The following DCAF16 variants were observed in gnomAD, a reference collection of about 807,000 sequenced individuals.
DCAF16 encodes DDB1 and CUL4 associated factor 16, also known as DDB1- and CUL4-associated factor 16.
A neutral mutation model predicts 17.3 loss-of-function variants in DCAF16; 10 were observed. That is an observed-to-expected ratio of 0.58 (90% CI 0.36 to 0.98). The LOEUF (loss-of-function observed/expected upper bound fraction) is 0.98. DCAF16 is among the 50% of genes least tolerant of loss of function. The pLI is 0.01. For missense variants in DCAF16, 249 were observed against 247.6 expected (o/e 1.01, Z -0.04); for synonymous variants, 111 against 92.8 (o/e 1.20, Z -1.12).
chr4:17,803,175 C>T lies in DCAF16; in HGVS notation c.*316G>A, dbSNP rs1217693364. 4 of 300,804 alleles carry T rather than the reference C, an allele frequency of 1.3e-5. No homozygotes were observed. Among genetic ancestry groups the T allele is most frequent in the African/African-American group, 2.2e-5 (1 of 45,902 alleles). 18.6% of individuals were successfully genotyped at this position (300,804 alleles called of 1,614,324 possible). ...GAGTAGCAGGGATTACAGGCGTGCA[C>T]TGCTGCGCCCGGCTAATTTTTTTAT... On this transcript the variant is annotated 3_prime_UTR_variant, in exon 3 of 3. Transcript: ENST00000382247.
At chr4:17,796,671 C>T (rs979486960), downstream of DCAF16, among the ~76,000 whole-genome samples, 27 of 152,196 alleles carry the variant, frequency 1.8e-4, no homozygotes, top group Middle Eastern at 3.2e-3. Flanking sequence ...CGCACCACTG[C>T]GTTCCAGCCT....
At chr4:17,808,992 G>A (rs1720588061) in intron 1 of DCAF16, among the ~76,000 whole-genome samples, 2 of 152,172 alleles carry the variant, frequency 1.3e-5, no homozygotes, top group African/African-American at 4.8e-5. Context: ...TCGCGCCATT[G>A]CACTCCAGCC....
intron 1 of DCAF16, among the ~76,000 whole-genome samples, chr4:17,806,817 C>T (rs186076472): frequency 3.0e-3 from 453 of 152,116 alleles, no homozygotes; most frequent in Non-Finnish European, 4.1e-3. Context: ...GTAGGATTAG[C>T]ATAAGAACAG....
downstream of DCAF16, among the ~76,000 whole-genome samples, chr4:17,800,416 C>A (rs1025595967): frequency 6.6e-6 from 1 of 152,110 alleles, no homozygotes; most frequent in Non-Finnish European, 1.5e-5. Flanking sequence ...TTTTGTGCAA[C>A]CTGGAATTAC....
At chr4:17,799,258 T>C (rs1363109680), downstream of DCAF16, among the ~76,000 whole-genome samples, 2 of 152,212 alleles carry the variant, frequency 1.3e-5, no homozygotes, top group African/African-American at 4.8e-5. Flanking sequence ...AATTCTTTTA[T>C]ATGATTCTCC....
At chr4:17,794,543 G>C in the DCAF16 span, among the ~76,000 whole-genome samples, 1 of 152,074 alleles carries the variant, frequency 6.6e-6, no homozygotes, top group Non-Finnish European at 1.5e-5. Flanking sequence ...TAAACAAAAA[G>C]CTTGCTGAAA....
At position 17,803,823 on chromosome 4, in the gene DCAF16, G is replaced by C. The variant is rs757130701; in HGVS notation, c.319C>G (p.Leu107Val). The C allele has an allele frequency of 6.2e-7, 1 of 1,614,236 alleles. No individual in the cohort carries two copies. The highest frequency in any genetic ancestry group is 1.1e-5 in the South Asian group (1 of 91,082). The change falls in exon 3 of 3, where the codon CTG becomes GTG. Residue 107 changes from leucine (L) to valine (V), a missense_variant. By Grantham distance (32) the Leu-to-Val change is conservative. Transcript: ENST00000382247. ...GGGGGCCATTCAGGAATTGGTTCCA[G>C]TTTGGGGACACAATGGGAACAATGG... ...LSHCSHCVPK[L>V]EPIPEWPPLA...
At chr4:17,800,079 G>C (rs111751803), downstream of DCAF16, among the ~76,000 whole-genome samples, 5,613 of 151,268 alleles carry the variant, frequency 0.037, 111 homozygotes, top group East Asian at 0.13. Context: ...GGGAGGTGGA[G>C]GTTGCAGTGA....
chr4:17,804,933 A>T (rs1720175562), intron 2 of DCAF16, among the ~76,000 whole-genome samples, 162 bp from the exon 3 acceptor site: 1 of 152,180 alleles, frequency 6.6e-6, no homozygotes, highest in African/African-American at 2.4e-5. Context: ...AATAGCTCTT[A>T]CAATCACAAT....
chr4:17,796,782 T>TA (rs1431253863), downstream of DCAF16, among the ~76,000 whole-genome samples: 16 of 152,280 alleles, frequency 1.1e-4, no homozygotes, highest in African/African-American at 3.4e-4. Flanking sequence ...GCAAATATTG[T>TA]AATGGTTATG....
downstream of DCAF16, among the ~76,000 whole-genome samples, chr4:17,796,219 C>T (rs1719421206): frequency 6.6e-6 from 1 of 152,192 alleles, no homozygotes; most frequent in Non-Finnish European, 1.5e-5. Flanking sequence ...CTCCCACCTT[C>T]CAGGGTACCT....
downstream of DCAF16, among the ~76,000 whole-genome samples, chr4:17,798,206 T>A (rs980153879): frequency 6.6e-6 from 1 of 152,154 alleles, no homozygotes; most frequent in Non-Finnish European, 1.5e-5. Flanking sequence ...TCCAGTCAAC[T>A]TCGTTTTATG....
intron 1 of DCAF16, among the ~76,000 whole-genome samples, chr4:17,807,872 T>C (rs904043638): frequency 6.6e-5 from 10 of 152,186 alleles, no homozygotes; most frequent in Non-Finnish European, 1.3e-4. Context: ...GCTAATAAGG[T>C]CATATGGTAT....
the DCAF16 span, among the ~76,000 whole-genome samples, chr4:17,795,088 A>T: frequency 2.0e-5 from 3 of 152,184 alleles, no homozygotes; most frequent in Admixed American, 2.0e-4. Context: ...AAATTCTGAG[A>T]CCATGCAAGT....
downstream of DCAF16, among the ~76,000 whole-genome samples, chr4:17,796,193 T>TC (rs1166197022): frequency 2.6e-5 from 4 of 152,198 alleles, no homozygotes; most frequent in Non-Finnish European, 5.9e-5. Context: ...TCCCCTTGTT[T>TC]CAACTTTCTT....
chr4:17,807,803 G>A (rs894192693), intron 1 of DCAF16, among the ~76,000 whole-genome samples: 1 of 152,200 alleles, frequency 6.6e-6, no homozygotes, highest in Non-Finnish European at 1.5e-5. Context: ...CTACTCTGTA[G>A]GGGGGATTTC....
downstream of DCAF16, among the ~76,000 whole-genome samples, chr4:17,797,704 G>A (rs1309310009): frequency 6.6e-6 from 1 of 152,216 alleles, no homozygotes; most frequent in African/African-American, 2.4e-5. Flanking sequence ...TACTCAGGGT[G>A]CAACCAGAAA....
downstream of DCAF16, among the ~76,000 whole-genome samples, chr4:17,800,221 T>C (rs1487510852): frequency 1.3e-5 from 2 of 150,174 alleles, no homozygotes; most frequent in Non-Finnish European, 3.0e-5. Flanking sequence ...GGTTTAGAAA[T>C]AGTTTCCTTA....
At chr4:17,797,741 A>T (rs1239389975), downstream of DCAF16, among the ~76,000 whole-genome samples, 1 of 152,216 alleles carries the variant, frequency 6.6e-6, no homozygotes, top group Non-Finnish European at 1.5e-5. Flanking sequence ...TTTTGATGGA[A>T]GATGGCCATG....
Sources: gnomAD v4.1 joint callset for allele counts (sites outside exome capture counted in the v4.1 genomes callset) on GRCh38, gnomAD v4.1.1 for gene constraint, MANE v1.5 for transcripts, NCBI Gene and HGNC (gene_info 2026-07-23, HGNC 2026-07-21) for gene names.